Variants in VIM observed in about 807,000 individuals in gnomAD.
VIM encodes vimentin.
Under a neutral mutation model 50.3 loss-of-function variants are expected in VIM, and 18 were observed. That is an observed-to-expected ratio of 0.36 (90% CI 0.25 to 0.53). The LOEUF (loss-of-function observed/expected upper bound fraction) is 0.53. Ranked by LOEUF, VIM falls within the 20% of genes least tolerant of loss-of-function variation. The pLI, the probability that VIM is intolerant of heterozygous loss-of-function variation, is 0.91. For synonymous variants in VIM, 245 were observed against 248.5 expected (o/e 0.99, Z 0.13); for missense variants, 551 against 614.7 (o/e 0.90, Z 1.10).
intron 3 of VIM, 128 bp downstream of exon 3, chr10:17,230,838 G>T: frequency 1.0e-6 from 1 of 1,000,160 alleles, no homozygotes; most frequent in Non-Finnish European, 1.6e-6. Context: ...AAGCCCTCTA[G>T]TGGCGGGAAG....
rs200772352 is a variant in VIM, at chr10:17,234,804, G to A, written c.994G>A (p.Ala332Thr). Residue 332 changes from alanine (A) to threonine (T), a missense_variant, in exon 6 of 10, where the codon GCC becomes ACC. Physicochemically the swap from Ala to Thr is moderately conservative, Grantham distance 58. This residue lies in a region of VIM where 394 missense variants were observed against 437.5 expected (regional missense o/e 0.90). Coordinates refer to ENST00000544301, the MANE Select transcript of VIM (RefSeq NM_003380.5). Reference sequence around the variant, plus strand: ...GCAGTCCCTCACCTGTGAAGTGGATGCCCTTAAAGGAACCGTGAGTACCAA... The same window carrying A: ...GCAGTCCCTCACCTGTGAAGTGGATACCCTTAAAGGAACCGTGAGTACCAA... ...QVQSLTCEVD[A>T]LKGTNESLER... 10 of 1,614,052 alleles carry A rather than the reference G, an allele frequency of 6.2e-6. No individual in the cohort carries two copies. The highest frequency in any genetic ancestry group is 8.5e-6 in the Non-Finnish European group (10 of 1,180,044).
chr10:17,231,293 C>A (rs1453845359), intron 3 of VIM, among the ~76,000 whole-genome samples: 2 of 152,128 alleles, frequency 1.3e-5, no homozygotes, highest in Non-Finnish European at 2.9e-5. Flanking sequence ...TTTGCAAATT[C>A]TATTGTGTCA....
chr10:17,235,334 G>T lies in VIM; in HGVS notation c.1174G>T (p.Ala392Ser). 6.2e-7 allele frequency: 1 copy of T among 1,614,206 alleles called. No homozygotes were observed. Among genetic ancestry groups the T allele is most frequent in the South Asian group, 1.1e-5 (1 of 91,084 alleles). ...CCAAGACCTGCTCAATGTTAAGATG[G>T]CCCTTGACATTGAGATTGCCACCTA... ...EYQDLLNVKM[A>S]LDIEIATYRK... is the part of the protein sequence containing the mutation. Residue 392 changes from alanine to serine, a missense_variant, in exon 7 of 10, where the codon GCC becomes TCC. This residue lies in a region of VIM where 394 missense variants were observed against 437.5 expected (regional missense o/e 0.90). Coordinates refer to ENST00000544301, the MANE Select transcript of VIM (RefSeq NM_003380.5).
At chr10:17,236,701 T>G (rs139926903) in intron 9 of VIM, among the ~76,000 whole-genome samples, 109 of 152,310 alleles carry the variant, frequency 7.2e-4, no homozygotes, top group African/African-American at 2.6e-3. Context: ...CTAGACTACC[T>G]CAATATGAGG....
chr10:17,228,841 T>G (rs1436951632), intron 1 of VIM: 1 of 156,678 alleles, frequency 6.4e-6, no homozygotes, highest in Non-Finnish European at 1.4e-5. Flanking sequence ...ACTTCAGATC[T>G]GAGGGATTCC....
At chr10:17,231,544 C>T (rs547222065) in intron 3 of VIM, among the ~76,000 whole-genome samples, 50 of 152,232 alleles carry the variant, frequency 3.3e-4, no homozygotes, top group East Asian at 1.9e-4. Context: ...GATGTAAGCA[C>T]GGTTCTAATT....
At chr10:17,230,098 G>T in intron 2 of VIM, 113 bp downstream of exon 2, 3 of 1,331,020 alleles carry the variant, frequency 2.3e-6, no homozygotes, top group Non-Finnish European at 3.0e-6. Context: ...TGGCCGGGGG[G>T]AGGCCTGCCA....
At chr10:17,235,100 G>A (rs2131683365) in intron 6 of VIM, 69 bp from the exon 7 acceptor site, 1 of 1,566,210 alleles carries the variant, frequency 6.4e-7, no homozygotes, top group South Asian at 1.1e-5. Flanking sequence ...CAGAAGGTCT[G>A]TAAATGGTTC....
chr10:17,231,261 A>G (rs1324464090), intron 3 of VIM, among the ~76,000 whole-genome samples: 3 of 152,238 alleles, frequency 2.0e-5, no homozygotes, highest in Non-Finnish European at 4.4e-5. Context: ...ACTGGAATGG[A>G]GCCAGCAAGT....
At chr10:17,229,211 T>A in intron 1 of VIM, 65 bp from the exon 2 acceptor site, 2 of 305,802 alleles carry the variant, frequency 6.5e-6, no homozygotes, top group Non-Finnish European at 1.2e-5. Flanking sequence ...GCGGCTGGGA[T>A]GGCAGTGGGA....
intron 3 of VIM, among the ~76,000 whole-genome samples, chr10:17,231,605 A>G (rs1377994632): frequency 6.6e-6 from 1 of 152,204 alleles, no homozygotes. Context: ...CCCAGACTTG[A>G]GAAGTAGGTA....
intron 3 of VIM, chr10:17,233,210 A>G (rs1283052094): frequency 1.3e-5 from 4 of 300,608 alleles, no homozygotes; most frequent in Non-Finnish European, 2.6e-5. Flanking sequence ...AGCCTCCCAA[A>G]GTGCTGGGAT....
Position 17,233,451 on chromosome 10 carries a change from C to A in VIM, c.625-136C>A. ...GCACTGAATGATTTATAAACCTATT[C>A]CAGGGTCATAAAATGTGTCAACGGC... On this transcript the variant is annotated intron_variant, in intron 3 of 9. Coordinates refer to ENST00000544301, the MANE Select transcript of VIM (RefSeq NM_003380.5). 7.6e-6 allele frequency: 6 copies of A among 792,830 alleles called. No individual in the cohort carries two copies. In the South Asian group the frequency reaches 8.9e-5, roughly 12 times the overall value. The allele number at this position is 792,830 out of a possible 1,614,324, so 49.1% of individuals were successfully genotyped here.
Position 17,229,333 on chromosome 10 carries a change from A to T in VIM, c.-90A>T. 1.5e-6 allele frequency: 2 copies of T among 1,366,712 alleles called. No homozygotes were observed. Among genetic ancestry groups the T allele is most frequent in the Non-Finnish European group, 2.0e-6 (2 of 997,178 alleles). The allele number at this position is 1,366,712 out of a possible 1,614,324, so 84.7% of individuals were successfully genotyped here. ...CCAGAGACGCAGCCGCGCTCCCACC[A>T]CCCACACCCACCGCGCCCTCGTTCG... On this transcript the variant is annotated 5_prime_UTR_variant, in exon 2 of 10. Coordinates refer to ENST00000544301, the MANE Select transcript of VIM (RefSeq NM_003380.5).
intron 3 of VIM, chr10:17,233,297 A>T (rs1301650961): frequency 2.5e-6 from 1 of 403,836 alleles, no homozygotes; most frequent in East Asian, 5.7e-5. Context: ...TTCAGTCATG[A>T]TTGAGTGCAG....
chr10:17,233,681 A>C lies in VIM; in HGVS notation c.719A>C (p.Glu240Ala). The C allele has an allele frequency of 6.2e-7, 1 of 1,614,090 alleles. No individual in the cohort carries two copies. Among genetic ancestry groups the C allele is most frequent in the South Asian group, 1.1e-5 (1 of 91,078 alleles). ...GCCTTTTTGAAGAAACTCCACGAAGAGGTTAGTGGAGTGACTTTCGGGGAA... is the reference window on the plus strand; with the variant it reads ...GCCTTTTTGAAGAAACTCCACGAAGCGGTTAGTGGAGTGACTTTCGGGGAA... ...EIAFLKKLHEEEIQELQAQIQ... is the reference protein window; with the variant it reads ...EIAFLKKLHEAEIQELQAQIQ... Residue 240 changes from glutamate (E) to alanine (A), a missense_variant and splice_region_variant, in exon 4 of 10, where the codon GAG becomes GCG. Transcript: ENST00000544301.
chr10:17,230,594 C>G, intron 2 of VIM, 56 bp from the exon 3 acceptor site: 2 of 1,600,710 alleles, frequency 1.2e-6, no homozygotes, highest in Non-Finnish European at 1.7e-6. Context: ...TGGGTGTGGC[C>G]GCCCCGCCCC....
At chr10:17,229,162 C>CCCCCCGG in intron 1 of VIM, 114 bp from the exon 2 acceptor site, 1 of 163,834 alleles carries the variant, frequency 6.1e-6, no homozygotes. Flanking sequence ...CGCCCACCCT[C>CCCCCCGG]CCCGCTTCTC....
intron 6 of VIM, 167 bp downstream of exon 6, chr10:17,234,985 G>A (rs1846862084): frequency 1.6e-6 from 2 of 1,235,636 alleles, no homozygotes; most frequent in Non-Finnish European, 2.3e-6. Context: ...AACTCTTGAA[G>A]GTTTTAGCTT....
Sources: gnomAD v4.1 joint callset for allele counts (sites outside exome capture counted in the v4.1 genomes callset) on GRCh38, gnomAD v4.1.1 for gene constraint, gnomAD v4.1.1 regional missense constraint, MANE v1.5 for transcripts, NCBI Gene and HGNC (gene_info 2026-07-23, HGNC 2026-07-21) for gene names.